TMEM255A: variants seen among roughly 807,000 people sequenced by gnomAD.
The protein encoded by TMEM255A is family with sequence similarity 70, member A.
TMEM255A carries 14 observed loss-of-function variants against 23.5 expected under a neutral mutation model. The ratio of observed to expected loss-of-function variants is 0.60; its 90% CI spans 0.39 to 0.93. TMEM255A has a LOEUF of 0.93. TMEM255A is among the 40% of genes least tolerant of loss of function. The pLI is 0.00. For missense variants in TMEM255A, 233 were observed against 261.7 expected, an observed-to-expected ratio of 0.89 and a Z score of 0.76; for synonymous variants, 104 against 100.3, an observed-to-expected ratio of 1.04 and a Z score of -0.22.
intron 1 of TMEM255A, among the ~76,000 whole-genome samples, chrX:120,305,594 G>C (rs1172089367): frequency 3.7e-5 from 4 of 109,346 alleles, no homozygotes; most frequent in Non-Finnish European, 7.6e-5. Context: ...ATAAGACCCT[G>C]TCATTCTGGG....
intron 6 of TMEM255A, among the ~76,000 whole-genome samples, chrX:120,278,248 G>A (rs1473504746): frequency 6.4e-5 from 7 of 109,729 alleles, no homozygotes; most frequent in Admixed American, 3.9e-4. Context: ...ACCAGAGCTC[G>A]ACCATGTTGG....
rs2057910052 is a variant in TMEM255A at position 120,290,886 on chromosome X, C to G, written c.354+365G>C. Among the ~76,000 whole-genome samples the G allele has an allele frequency of 3.6e-5, 4 of 111,323 alleles. No homozygotes were observed. The Admixed American group carries it at 3.8e-4, about 11-fold the overall frequency. ...GGCTTCTTGGTGCTCTCTCTCTACC[C>G]CGTTGCCCCCAATACTAGTTCTAAG... On this transcript the variant is annotated intron_variant, in intron 4 of 8. Transcript: ENST00000371369.
chrX:120,293,961 C>G (rs1556023496), intron 3 of TMEM255A, 28 bp downstream of exon 3: 2 of 1,097,153 alleles, frequency 1.8e-6, no homozygotes, highest in African/African-American at 1.8e-5. Flanking sequence ...AGAGGAAGAA[C>G]TTGACTCTAT....
chrX:120,253,613 A>G, the TMEM255A span: 3 of 1,212,240 alleles, frequency 2.5e-6, no homozygotes, highest in Middle Eastern at 2.3e-4. Context: ...TTGCTGGGCA[A>G]GTTGTTGAAC....
chrX:120,287,349 G>C, intron 4 of TMEM255A, 127 bp from the exon 5 acceptor site: 1 of 315,126 alleles, frequency 3.2e-6, no homozygotes, highest in Non-Finnish European at 5.0e-6. Context: ...AAGCAGGCAG[G>C]CAGTAGATTG....
At chrX:120,293,045 A>C (rs1227196123) in intron 3 of TMEM255A, among the ~76,000 whole-genome samples, 1 of 112,463 alleles carries the variant, frequency 8.9e-6, no homozygotes, top group Non-Finnish European at 1.9e-5. Context: ...GAAGAAAAAA[A>C]CTATTAGAAC....
intron 1 of TMEM255A, among the ~76,000 whole-genome samples, chrX:120,309,729 T>C (rs1443678339): frequency 1.8e-5 from 2 of 111,053 alleles, no homozygotes; most frequent in Non-Finnish European, 3.8e-5. Context: ...GCGCTCTCTC[T>C]CTCTCCCTCT....
At chrX:120,299,650 G>A (rs2058020731) in intron 2 of TMEM255A, among the ~76,000 whole-genome samples, 2 of 111,797 alleles carry the variant, frequency 1.8e-5, no homozygotes, top group African/African-American at 6.5e-5. Flanking sequence ...AGTAAGTGAG[G>A]GACTTATATT....
At chrX:120,297,755 G>A (rs1183475876) in intron 2 of TMEM255A, among the ~76,000 whole-genome samples, 2 of 111,072 alleles carry the variant, frequency 1.8e-5, no homozygotes, top group South Asian at 3.9e-4. Context: ...GCCACACCTC[G>A]CTGCATTTGT....
chrX:120,296,797 T>C (rs1603403286), intron 2 of TMEM255A, among the ~76,000 whole-genome samples: 1 of 11,187 alleles, frequency 8.9e-5, no homozygotes, highest in African/African-American at 2.6e-4. Context: ...ATATAATATA[T>C]ATGATATATA....
intron 3 of TMEM255A, among the ~76,000 whole-genome samples, chrX:120,293,205 C>G (rs2057928649): frequency 8.9e-6 from 1 of 112,344 alleles, no homozygotes; most frequent in Admixed American, 9.3e-5. Flanking sequence ...CAGGGGGAGC[C>G]CAATCACCAT....
At chrX:120,255,919 G>A (rs1427357731), downstream of TMEM255A, 1 of 125,227 alleles carries the variant, frequency 8.0e-6, no homozygotes, top group Non-Finnish European at 1.8e-5. Flanking sequence ...GTCAGAATAA[G>A]TCAGTACTTG....
intron 6 of TMEM255A, among the ~76,000 whole-genome samples, chrX:120,280,940 A>C (rs1437305272): frequency 8.9e-6 from 1 of 112,220 alleles, no homozygotes; most frequent in Non-Finnish European, 1.9e-5. Context: ...TTCTTCAAAG[A>C]CGCCACTACC....
At chrX:120,266,685 C>T (rs1304632427) in intron 8 of TMEM255A, among the ~76,000 whole-genome samples, 1 of 112,426 alleles carries the variant, frequency 8.9e-6, no homozygotes, top group African/African-American at 3.2e-5. Flanking sequence ...TGGGCTAGAC[C>T]CATGTGTGGC....
At chrX:120,268,030 T>G (rs1402959292) in intron 8 of TMEM255A, among the ~76,000 whole-genome samples, 1 of 111,356 alleles carries the variant, frequency 9.0e-6, no homozygotes, top group East Asian at 2.8e-4. Context: ...GTTTCTTCTC[T>G]TGCGCAGCTT....
At chrX:120,270,202 A>T (rs1311832815) in intron 7 of TMEM255A, among the ~76,000 whole-genome samples, 1 of 111,506 alleles carries the variant, frequency 9.0e-6, no homozygotes. Context: ...ATGGGCCAAA[A>T]TAGTGGTCTG....
At chrX:120,265,165 C>T (rs1370259719) in intron 8 of TMEM255A, among the ~76,000 whole-genome samples, 4 of 112,106 alleles carry the variant, frequency 3.6e-5, no homozygotes, top group Admixed American at 9.4e-5. Flanking sequence ...CGTGAGCCAC[C>T]GCGCCTGGCT....
the TMEM255A span, among the ~76,000 whole-genome samples, chrX:120,252,926 T>C: frequency 8.9e-6 from 1 of 112,228 alleles, no homozygotes; most frequent in Admixed American, 9.4e-5. Flanking sequence ...TTAGTTAAAA[T>C]TAAGAGTATG....
At chrX:120,288,285 C>T (rs782765770) in intron 4 of TMEM255A, among the ~76,000 whole-genome samples, 5 of 111,884 alleles carry the variant, frequency 4.5e-5, no homozygotes, top group Non-Finnish European at 9.4e-5. Context: ...GGTTCTAGGA[C>T]TTTCCATCAG....
Sources: gnomAD v4.1 joint callset for allele counts (sites outside exome capture counted in the v4.1 genomes callset) on GRCh38, gnomAD v4.1.1 for gene constraint, MANE v1.5 for transcripts, NCBI Gene and HGNC (gene_info 2026-07-23, HGNC 2026-07-21) for gene names.